LRRK2: variants seen among roughly 807,000 people sequenced by gnomAD.
The protein encoded by LRRK2 is leucine rich repeat kinase 2, also known as leucine-rich repeat serine/threonine-protein kinase 2.
In LRRK2, 203 loss-of-function variants were observed where a neutral mutation model predicts 302.6. That is an observed-to-expected ratio of 0.67 (90% CI 0.60 to 0.75). LRRK2 has a LOEUF of 0.75. Among genes scored for constraint, LRRK2 ranks in the 30% least tolerant of loss-of-function variants. The pLI is 0.00. For missense variants in LRRK2, 2,830 were observed against 2,951.0 expected, an observed-to-expected ratio of 0.96 and a Z score of 0.95; for synonymous variants, 1,066 against 1,031.9, an observed-to-expected ratio of 1.03 and a Z score of -0.63.
chr12:40,268,605 A>G (rs1943115214), intron 14 of LRRK2, among the ~76,000 whole-genome samples: 1 of 152,162 alleles, frequency 6.6e-6, no homozygotes, highest in South Asian at 2.1e-4. Context: ...AACCATTAGT[A>G]AAAATAACAA....
In LRRK2 at chr12:40,299,006, T is replaced by A. The variant is rs72547973; in HGVS notation, c.3348-103T>A. 693 of 1,100,274 alleles carry A rather than the reference T, an allele frequency of 6.3e-4. 3 individuals carry two copies. Among genetic ancestry groups the A allele is most frequent in the South Asian group, 6.0e-3 (427 of 70,842 alleles). 68.2% of individuals were successfully genotyped at this position (1,100,274 alleles called of 1,614,324 possible). On this transcript the variant is annotated intron_variant, in intron 24 of 50. Coordinates refer to ENST00000298910, the MANE Select transcript of LRRK2 (RefSeq NM_198578.4). ...TACAACTAATTTTTAAATTAATGAG[T>A]CCTCTTTGATGCTGTTCTTTGAAAG...
chr12:40,280,130 T>TG (rs1943624962), intron 18 of LRRK2, among the ~76,000 whole-genome samples: 1 of 151,904 alleles, frequency 6.6e-6, no homozygotes, highest in African/African-American at 2.4e-5. Flanking sequence ...CAAATCACAG[T>TG]GGAAAAAGTA....
At chr12:40,331,615 A>G (rs1945715439) in intron 39 of LRRK2, among the ~76,000 whole-genome samples, 1 of 152,132 alleles carries the variant, frequency 6.6e-6, no homozygotes, top group East Asian at 1.9e-4. Flanking sequence ...AAATCTCATA[A>G]TGTTTTAAGA....
intron 38 of LRRK2, 126 bp downstream of exon 38, chr12:40,323,432 G>A: frequency 3.5e-6 from 3 of 864,626 alleles, no homozygotes; most frequent in Non-Finnish European, 5.2e-6. Context: ...TATAATTTTT[G>A]TATTTGGAAT....
intron 20 of LRRK2, among the ~76,000 whole-genome samples, chr12:40,288,310 C>T (rs565809811): frequency 1.3e-4 from 19 of 151,718 alleles, no homozygotes; most frequent in South Asian, 4.2e-4. Context: ...TATTTTCATG[C>T]GCTTTGAAAA....
intron 11 of LRRK2, 109 bp from the exon 12 acceptor site, chr12:40,257,139 C>G (rs527687582): frequency 3.9e-6 from 3 of 777,922 alleles, no homozygotes; most frequent in Admixed American, 2.4e-5. Context: ...TATGTGTGCT[C>G]TTGTATATGC....
chr12:40,354,226 C>A, intron 44 of LRRK2, 73 bp from the exon 45 acceptor site: 2 of 1,254,690 alleles, frequency 1.6e-6, no homozygotes, highest in Non-Finnish European at 2.3e-6. Flanking sequence ...TAACAGAATC[C>A]TTTATTCTGT....
intron 24 of LRRK2, 142 bp from the exon 25 acceptor site, chr12:40,298,967 C>A (rs1944516734): frequency 1.5e-5 from 8 of 519,076 alleles, no homozygotes; most frequent in Non-Finnish European, 2.2e-5. Context: ...CTTTTATCAA[C>A]TGACTTACAT....
rs201906362 is a variant in LRRK2, at chr12:40,310,463, T to C, written c.4350T>C (p.Val1450=). ...CTTCTTCTTCCCCTGTGATTCTCGT[T>C]GGCACACATTTGGATGTTTCTGATG... The part of the protein sequence containing the change: ...ARASSSPVIL[V]GTHLDVSDEK... The change falls in exon 31 of 51, where the codon GTT becomes GTC. Residue 1450 remains valine, a synonymous_variant. Transcript: ENST00000298910. 4 of 1,613,306 alleles carry C rather than the reference T, an allele frequency of 2.5e-6. No individual in the cohort carries two copies. The highest frequency in any genetic ancestry group is 1.7e-5 in the Admixed American group (1 of 59,858).
Position 40,323,183 on chromosome 12 carries a change from C to T in LRRK2, c.5533C>T (p.Gln1845Ter). The T allele has an allele frequency of 1.2e-6, 2 of 1,613,098 alleles. No individual in the cohort carries two copies. The highest frequency in any genetic ancestry group is 1.7e-6 in the Non-Finnish European group (2 of 1,179,300). The part of the protein sequence containing the change: ...EEGDLLVNPD[Q>*]PRLTIPISQI... ...AGGAGATCTCTTAGTAAATCCAGAT[C>T]AACCAAGGCTCACCATTCCAATATC... Residue 1845 changes from glutamine (Q) to a stop codon, truncating the protein, a stop_gained, in exon 38 of 51, where the codon CAA becomes TAA. Coordinates refer to ENST00000298910, the MANE Select transcript of LRRK2 (RefSeq NM_198578.4). LOFTEE classifies it high-confidence loss of function.
At chr12:40,275,326 T>C (rs1475754431) in intron 16 of LRRK2, among the ~76,000 whole-genome samples, 2 of 152,190 alleles carry the variant, frequency 1.3e-5, no homozygotes, top group Non-Finnish European at 2.9e-5. Flanking sequence ...AGTTTGTCAC[T>C]CTCTGGGTTT....
intron 39 of LRRK2, among the ~76,000 whole-genome samples, chr12:40,331,419 A>G (rs1024808040): frequency 4.6e-5 from 7 of 152,200 alleles, no homozygotes; most frequent in East Asian, 1.9e-4. Flanking sequence ...TGGACTTGAA[A>G]TTGTTTCCCC....
intron 18 of LRRK2, among the ~76,000 whole-genome samples, chr12:40,278,564 A>G (rs923751889): frequency 6.6e-5 from 10 of 152,342 alleles, no homozygotes; most frequent in Admixed American, 5.9e-4. Flanking sequence ...TACACTCCAC[A>G]TAACACATAG....
intron 24 of LRRK2, 131 bp downstream of exon 24, chr12:40,298,624 T>A (rs1944472283): frequency 1.3e-5 from 15 of 1,188,066 alleles, no homozygotes; most frequent in Non-Finnish European, 1.6e-5. Context: ...ATACAAAAAT[T>A]AGCCCAGCGT....
chr12:40,292,607 T>C (rs1944204256), intron 20 of LRRK2, among the ~76,000 whole-genome samples: 1 of 151,702 alleles, frequency 6.6e-6, no homozygotes, highest in Admixed American at 6.6e-5. Context: ...AACTATAGAA[T>C]TAATTAAACT....
intron 14 of LRRK2, among the ~76,000 whole-genome samples, chr12:40,271,118 C>T (rs1248996662): frequency 1.3e-5 from 2 of 151,946 alleles, no homozygotes; most frequent in Non-Finnish European, 2.9e-5. Context: ...TAGCTCTCTT[C>T]TTTGGGGCTA....
At position 40,238,078 on chromosome 12, in the gene LRRK2, A is replaced by T. The variant is rs35517158; in HGVS notation, c.546A>T (p.Lys182Asn). ...ANDEVQKLGC[K>N]ALHVLFERVS... ...ATGAAGTCCAGAAACTTGGATGCAA[A>T]GCTTTACATGTGCTGTTTGAGAGAG... The change falls in exon 5 of 51, where the codon AAA becomes AAT. Residue 182 changes from lysine (K) to asparagine (N), a missense_variant. Around this residue, in one of 3 missense-constraint regions of LRRK2, gnomAD observed 2,121 missense variants for 2,148.0 expected, o/e 0.99. Transcript: ENST00000298910. 4.3e-6 allele frequency: 7 copies of T among 1,613,624 alleles called. No individual in the cohort carries two copies. The highest frequency in any genetic ancestry group is 5.9e-6 in the Non-Finnish European group (7 of 1,179,794).
chr12:40,227,626 G>T (rs143792605), intron 2 of LRRK2, among the ~76,000 whole-genome samples: 25 of 152,306 alleles, frequency 1.6e-4, no homozygotes, highest in African/African-American at 5.8e-4. Flanking sequence ...TGTTGCAAAT[G>T]ACAGGATTTC....
chr12:40,351,491 A>G (rs772243448), intron 43 of LRRK2, 48 bp from the exon 44 acceptor site: 2 of 1,578,548 alleles, frequency 1.3e-6, no homozygotes, highest in South Asian at 2.2e-5. Flanking sequence ...TTCAAGGGAA[A>G]TGAGTTAACT....
Sources: gnomAD v4.1 joint callset for allele counts (sites outside exome capture counted in the v4.1 genomes callset) on GRCh38, gnomAD v4.1.1 for gene constraint, gnomAD v4.1.1 regional missense constraint, MANE v1.5 for transcripts, NCBI Gene and HGNC (gene_info 2026-07-23, HGNC 2026-07-21) for gene names.